Variants in APP observed in about 807,000 individuals in gnomAD.
APP encodes amyloid beta precursor protein, also known as amyloid-beta precursor protein.
In APP, 31 loss-of-function variants were observed where a neutral mutation model predicts 101.4. The ratio of observed to expected loss-of-function variants is 0.31; its 90% CI spans 0.23 to 0.41. The LOEUF is 0.41. APP is among the 10% of genes least tolerant of loss of function. The pLI, the probability that APP is intolerant of heterozygous loss-of-function variation, is 1.00. For synonymous variants in APP, 366 were observed against 364.4 expected (o/e 1.00, Z -0.05); for missense variants, 839 against 1,003.7 (o/e 0.84, Z 2.22).
At chr21:25,966,855 C>G (rs45514092) in intron 11 of APP, among the ~76,000 whole-genome samples, 5,775 of 152,236 alleles carry the variant, frequency 0.038, 377 homozygotes, top group African/African-American at 0.13. Flanking sequence ...TAATCCACAT[C>G]ATATAGTGGC....
chr21:26,140,196 T>G, intron 1 of APP: 2 of 1,536,142 alleles, frequency 1.3e-6, no homozygotes, highest in East Asian at 4.9e-5. Context: ...TTGGTCCATT[T>G]GAATCTGGGG....
intron 6 of APP, among the ~76,000 whole-genome samples, chr21:26,005,796 C>T (rs2043505783): frequency 6.6e-6 from 1 of 152,172 alleles, no homozygotes; most frequent in South Asian, 2.1e-4. Context: ...ACCTGTTTCA[C>T]ATTAATTACT....
intron 11 of APP, among the ~76,000 whole-genome samples, chr21:25,971,924 A>C (rs2051174): frequency 0.23 from 35,186 of 152,160 alleles, 4,450 homozygotes; most frequent in East Asian, 0.43. Flanking sequence ...ATGTGACAGA[A>C]AAAAGCTCAA....
intron 1 of APP, among the ~76,000 whole-genome samples, chr21:26,165,118 T>A (rs1386855089): frequency 6.9e-6 from 1 of 144,166 alleles, no homozygotes; most frequent in Non-Finnish European, 1.5e-5. Flanking sequence ...TAGATCAAAC[T>A]CATAGACAAC....
intron 5 of APP, among the ~76,000 whole-genome samples, chr21:26,034,167 C>T (rs2044980554): frequency 6.6e-6 from 1 of 151,630 alleles, no homozygotes; most frequent in African/African-American, 2.4e-5. Flanking sequence ...ATAATATGTC[C>T]CACTGTGATA....
chr21:25,973,806 G>A (rs895968246), intron 11 of APP, among the ~76,000 whole-genome samples: 9 of 151,934 alleles, frequency 5.9e-5, no homozygotes, highest in African/African-American at 1.5e-4. Flanking sequence ...GCTGGGTGTC[G>A]TGGCTCACCT....
chr21:26,086,785 T>C (rs542152415), intron 3 of APP, among the ~76,000 whole-genome samples: 2 of 152,324 alleles, frequency 1.3e-5, no homozygotes, highest in African/African-American at 4.8e-5. Context: ...GTGAGTTTCT[T>C]TTTTAGTGCT....
chr21:25,921,384 A>G (rs1429101458), intron 13 of APP, among the ~76,000 whole-genome samples: 6 of 139,876 alleles, frequency 4.3e-5, no homozygotes, highest in African/African-American at 1.6e-4. Context: ...AAATCAGAGC[A>G]GAACTGAAGG....
rs1036293431 is a variant in APP, at chr21:26,081,566, T to C, written c.355+8377A>G. Among the ~76,000 whole-genome samples, 5 of 152,186 alleles carry C rather than the reference T, an allele frequency of 3.3e-5. No homozygotes were observed. The East Asian group carries it at 9.6e-4, about 29-fold the overall frequency. On this transcript the variant is annotated intron_variant, in intron 3 of 17. Coordinates refer to ENST00000346798, the MANE Select transcript of APP (RefSeq NM_000484.4). ...TAAGGCAGGAACAGGCCATTTTCAC[T>C]TCTTTTGTGATTCTTCACTTGCTTC...
chr21:26,065,355 A>G (rs1416035221), intron 3 of APP, among the ~76,000 whole-genome samples: 1 of 152,228 alleles, frequency 6.6e-6, no homozygotes, highest in Non-Finnish European at 1.5e-5. Context: ...CTAGAATTAA[A>G]AAGAGCTTAC....
chr21:26,013,259 G>A (rs1733453735), intron 6 of APP, among the ~76,000 whole-genome samples: 1 of 152,208 alleles, frequency 6.6e-6, no homozygotes, highest in Non-Finnish European at 1.5e-5. Flanking sequence ...AGAGGTTGCA[G>A]TGAGCCGAGA....
At chr21:25,969,552 T>C (rs2041930988) in intron 11 of APP, among the ~76,000 whole-genome samples, 2 of 151,734 alleles carry the variant, frequency 1.3e-5, no homozygotes, top group Non-Finnish European at 2.9e-5. Flanking sequence ...AAAGGAAAGA[T>C]TTAAAGGTGA....
chr21:26,024,160 C>T (rs1228421996), intron 5 of APP, among the ~76,000 whole-genome samples: 1 of 152,118 alleles, frequency 6.6e-6, no homozygotes, highest in Admixed American at 6.5e-5. Flanking sequence ...GAATAGATGT[C>T]CTTGATCAGA....
intron 17 of APP, among the ~76,000 whole-genome samples, chr21:25,888,244 TTAAGG>T (rs891890951): frequency 9.9e-5 from 15 of 152,092 alleles, no homozygotes; most frequent in African/African-American, 3.4e-4. Flanking sequence ...AGAGTGCCTG[TTAAGG>T]TAGGAAGAGG....
chr21:26,079,081 C>G (rs1371913806), intron 3 of APP, among the ~76,000 whole-genome samples: 2 of 149,574 alleles, frequency 1.3e-5, no homozygotes, highest in Admixed American at 6.7e-5. Context: ...AAGACAATAT[C>G]TCAAGATTTT....
chr21:26,065,068 G>A (rs1482507971), intron 3 of APP, among the ~76,000 whole-genome samples: 1 of 152,128 alleles, frequency 6.6e-6, no homozygotes, highest in Non-Finnish European at 1.5e-5. Flanking sequence ...TGGCCAGGCT[G>A]GTCTTGGACT....
intron 17 of APP, among the ~76,000 whole-genome samples, chr21:25,889,054 A>G (rs2037523462): frequency 6.6e-6 from 1 of 152,208 alleles, no homozygotes; most frequent in Non-Finnish European, 1.5e-5. Flanking sequence ...AAGGAGCTCC[A>G]GGTGGAGGCC....
intron 5 of APP, among the ~76,000 whole-genome samples, chr21:26,030,703 G>A (rs533011404): frequency 1.3e-5 from 2 of 152,280 alleles, no homozygotes; most frequent in African/African-American, 4.8e-5. Context: ...GTCATAAAAA[G>A]TTTTGGAGTC....
rs1327602179 is a variant in APP, at chr21:26,148,203, T to C, written c.57+22361A>G. Among the ~76,000 whole-genome samples, 3 of 152,288 alleles carry C rather than the reference T, an allele frequency of 2.0e-5. No homozygotes were observed. In the East Asian group the frequency reaches 5.8e-4, roughly 29 times the overall value. ...ACCCACTTCCCAGTCCCCTCTGATA[T>C]GTGGTAAACAATTATTTCAATGAGG... On this transcript the variant is annotated intron_variant, in intron 1 of 17. Transcript: ENST00000346798.
Sources: allele counts gnomAD v4.1 joint callset (sites outside exome capture counted in the v4.1 genomes callset), GRCh38; gene constraint gnomAD v4.1.1; transcripts MANE v1.5; gene names NCBI Gene and HGNC (gene_info 2026-07-23, HGNC 2026-07-21).